DNAJC3: variants seen among roughly 807,000 people sequenced by gnomAD.
DNAJC3 encodes DnaJ heat shock protein family (Hsp40) member C3, also known as dnaJ homolog subfamily C member 3.
A neutral mutation model predicts 68.6 loss-of-function variants in DNAJC3; 38 were observed. The observed-to-expected ratio is 0.55, with a 90% CI of 0.43 to 0.73. The LOEUF (loss-of-function observed/expected upper bound fraction) is 0.73, where lower values mean the gene tolerates loss of function less well. DNAJC3 is among the 30% of genes least tolerant of loss of function. DNAJC3 has a pLI of 0.00. For missense variants in DNAJC3, 526 were observed against 591.9 expected, an observed-to-expected ratio of 0.89 and a Z score of 1.16; for synonymous variants, 203 against 204.0, an observed-to-expected ratio of 1.00 and a Z score of 0.04.
chr13:95,790,794 C>A, intron 11 of DNAJC3, 79 bp from the exon 12 acceptor site: 124 of 1,281,534 alleles, frequency 9.7e-5, no homozygotes, highest in Non-Finnish European at 1.2e-4. Context: ...CACCCACCCT[C>A]CTCTGCCCAA....
intron 1 of DNAJC3, among the ~76,000 whole-genome samples, chr13:95,686,022 C>T (rs1880065777): frequency 6.6e-6 from 1 of 150,606 alleles, no homozygotes; most frequent in Admixed American, 6.6e-5. Context: ...AATGCAGTGG[C>T]ACGATCTTGG....
At chr13:95,783,880 G>C (rs1347360953) in intron 9 of DNAJC3, among the ~76,000 whole-genome samples, 2 of 152,158 alleles carry the variant, frequency 1.3e-5, no homozygotes, top group Non-Finnish European at 2.9e-5. Flanking sequence ...CTCTCTACAA[G>C]GCCAGAGTCC....
chr13:95,787,847 G>A lies in DNAJC3; in HGVS notation c.1357+692G>A, dbSNP rs139166116. Reference sequence around the variant, plus strand: ...TACAGTAATATGGCCTGGAAATTTCGTTAAGAGGGAGACAGGCTAAGCATT... The same window carrying A: ...TACAGTAATATGGCCTGGAAATTTCATTAAGAGGGAGACAGGCTAAGCATT... On this transcript the variant is annotated intron_variant, in intron 11 of 11. Transcript: ENST00000602402. Among the ~76,000 whole-genome samples, 328 of 152,108 alleles carry A rather than the reference G, an allele frequency of 2.2e-3. 5 individuals are homozygous for A. The highest frequency in any genetic ancestry group is 7.5e-3 in the African/African-American group (312 of 41,484).
In DNAJC3 at chr13:95,773,523, G is replaced by A. The variant is rs556327691; in HGVS notation, c.1075+9570G>A. Among the ~76,000 whole-genome samples the A allele has an allele frequency of 8.6e-4, 131 of 151,880 alleles. No individual in the cohort carries two copies. In the Middle Eastern group the frequency reaches 0.014, roughly 16 times the overall value. On this transcript the variant is annotated intron_variant, in intron 9 of 11. Coordinates refer to ENST00000602402, the MANE Select transcript of DNAJC3 (RefSeq NM_006260.5). ...TATTAATATTTTCTGTTTCATCTGT[G>A]TTAGTTTTTGTAAGTTACATCTTTT...
intron 2 of DNAJC3, among the ~76,000 whole-genome samples, chr13:95,713,193 C>G (rs1045714125): frequency 6.6e-6 from 1 of 152,096 alleles, no homozygotes; most frequent in Non-Finnish European, 1.5e-5. Context: ...CGAACTAATA[C>G]AATTGCCCAG....
At chr13:95,688,931 TGTGTGTG>T (rs1880144946) in intron 1 of DNAJC3, among the ~76,000 whole-genome samples, 4 of 86,248 alleles carry the variant, frequency 4.6e-5, no homozygotes, top group African/African-American at 1.8e-4. Context: ...TGTGTGGGTG[TGTGTGTG>T]TGTGTGTGTG....
At chr13:95,779,017 T>C (rs1055889675) in intron 9 of DNAJC3, among the ~76,000 whole-genome samples, 1 of 152,180 alleles carries the variant, frequency 6.6e-6, no homozygotes, top group Non-Finnish European at 1.5e-5. Flanking sequence ...GTATAAATAT[T>C]ACCCCTATTT....
In DNAJC3 at chr13:95,794,785, T is replaced by G. The variant is rs151312226; in HGVS notation, c.*3755T>G. The G allele has an allele frequency of 6.6e-6, 1 of 152,366 alleles. No individual in the cohort carries two copies. The highest frequency in any genetic ancestry group is 1.9e-4 in the East Asian group (1 of 5,184). 9.4% of individuals were successfully genotyped at this position (152,366 alleles called of 1,614,324 possible). The stretch of plus-strand genomic sequence containing the variant: ...GGAGGAGGTAAACATTGGAGATGTT[T>G]GTGAAAATATTACTCTTGCTGTGAG... On this transcript the variant is annotated 3_prime_UTR_variant, in exon 12 of 12. Coordinates refer to ENST00000602402, the MANE Select transcript of DNAJC3 (RefSeq NM_006260.5).
intron 1 of DNAJC3, among the ~76,000 whole-genome samples, chr13:95,681,844 A>G (rs1255293995): frequency 2.0e-5 from 3 of 152,184 alleles, no homozygotes; most frequent in Admixed American, 6.5e-5. Flanking sequence ...CCTTGTCTTT[A>G]CTGAGAAAAT....
chr13:95,775,100 CTG>C (rs568795846), intron 9 of DNAJC3, among the ~76,000 whole-genome samples: 13 of 152,176 alleles, frequency 8.5e-5, no homozygotes, highest in Non-Finnish European at 1.5e-4. Flanking sequence ...AGTATCCCCT[CTG>C]GGGTGCAGTG....
chr13:95,695,158 C>G (rs1403635505), intron 1 of DNAJC3: 3 of 152,140 alleles, frequency 2.0e-5, no homozygotes, highest in Admixed American at 1.3e-4. Context: ...AATTCTCCAC[C>G]TTTTATTCTT....
At chr13:95,746,985 C>T (rs1882323779) in intron 4 of DNAJC3, among the ~76,000 whole-genome samples, 1 of 152,108 alleles carries the variant, frequency 6.6e-6, no homozygotes, top group Non-Finnish European at 1.5e-5. Flanking sequence ...TCATTGTTTA[C>T]TATATATTTG....
intron 1 of DNAJC3, among the ~76,000 whole-genome samples, chr13:95,688,911 C>T: frequency 6.8e-6 from 1 of 146,370 alleles, no homozygotes; most frequent in African/African-American, 2.6e-5. Context: ...AGAGACAAAG[C>T]CCATTTGATT....
At chr13:95,711,119 T>C (rs1162043074) in intron 2 of DNAJC3, among the ~76,000 whole-genome samples, 1 of 152,234 alleles carries the variant, frequency 6.6e-6, no homozygotes, top group Non-Finnish European at 1.5e-5. Flanking sequence ...TTTCTTAAAC[T>C]CAGATTTTTA....
rs1443360811 is a variant in DNAJC3 at position 95,791,631 on chromosome 13, A to ATAAT, written c.*602_*605dup. Reference sequence around the variant, plus strand: ...CATCTTTTAGGAACCCTGCCACCAAATAATAATATATCCAGGCTTAGACTT... The same window carrying ATAAT: ...CATCTTTTAGGAACCCTGCCACCAAATAATTAATAATATATCCAGGCTTAGACTT... On this transcript the variant is annotated 3_prime_UTR_variant, in exon 12 of 12. Transcript: ENST00000602402. 2 of 152,582 alleles carry ATAAT rather than the reference A, an allele frequency of 1.3e-5. No individual in the cohort carries two copies. The highest frequency in any genetic ancestry group is 2.9e-5 in the Non-Finnish European group (2 of 68,356). 9.5% of individuals were successfully genotyped at this position (152,582 alleles called of 1,614,324 possible). A position where few individuals can be genotyped will look rare whatever the true frequency, so the allele number is the denominator to read the frequency against.
chr13:95,711,581 G>A (rs942124163), intron 2 of DNAJC3, among the ~76,000 whole-genome samples: 1 of 151,490 alleles, frequency 6.6e-6, no homozygotes, highest in Non-Finnish European at 1.5e-5. Context: ...AAAATGAGGG[G>A]AAAAGTGGAA....
At position 95,708,350 on chromosome 13, in the gene DNAJC3, A is replaced by G. The variant is rs188876252; in HGVS notation, c.83-877A>G. On this transcript the variant is annotated intron_variant, in intron 1 of 11. Transcript: ENST00000602402. ...TTGGCCTAGTCCATCAGATCATGTTATTGATTCCACAGTAGTTCCCTGTTT... is the reference window on the plus strand; with the variant it reads ...TTGGCCTAGTCCATCAGATCATGTTGTTGATTCCACAGTAGTTCCCTGTTT... Among the ~76,000 whole-genome samples, 3 of 152,324 alleles carry G rather than the reference A, an allele frequency of 2.0e-5. No homozygotes were observed. In the East Asian group the frequency reaches 5.8e-4, roughly 29 times the overall value.
Position 95,677,222 on chromosome 13 carries a change from A to G in DNAJC3, c.-34A>G, listed in dbSNP as rs984646402. The G allele has an allele frequency of 1.0e-5, 16 of 1,588,442 alleles. No homozygotes were observed. Among genetic ancestry groups the G allele is most frequent in the African/African-American group, 5.5e-5 (4 of 72,230 alleles). On this transcript the variant is annotated 5_prime_UTR_variant, in exon 1 of 12. Coordinates refer to ENST00000602402, the MANE Select transcript of DNAJC3 (RefSeq NM_006260.5). ...GCCGGCGCGTGCTGGTGGGCCACAC[A>G]CCTTTCCTCCTCTTCACTCGCGAGC...
At chr13:95,690,128 T>C (rs1593952466) in intron 1 of DNAJC3, among the ~76,000 whole-genome samples, 16 of 150,310 alleles carry the variant, frequency 1.1e-4, no homozygotes, top group African/African-American at 2.7e-4. Flanking sequence ...CAGAGGACCC[T>C]GCGGCCTTCC....
Sources: gnomAD v4.1 joint callset for allele counts (sites outside exome capture counted in the v4.1 genomes callset) on GRCh38, gnomAD v4.1.1 for gene constraint, MANE v1.5 for transcripts, NCBI Gene and HGNC (gene_info 2026-07-23, HGNC 2026-07-21) for gene names.